KIF27: variants seen among roughly 807,000 people sequenced by gnomAD.
KIF27 encodes the protein kinesin-like protein KIF27.
Under a neutral mutation model 141.8 loss-of-function variants are expected in KIF27, and 84 were observed. The ratio of observed to expected loss-of-function variants is 0.59; its 90% CI spans 0.50 to 0.71. The LOEUF is 0.71. Ranked by LOEUF, KIF27 falls within the 30% of genes least tolerant of loss-of-function variation. KIF27 has a pLI of 0.00. For synonymous variants in KIF27, 471 were observed against 569.5 expected (o/e 0.83, Z 2.46); for missense variants, 1,306 against 1,628.4 (o/e 0.80, Z 3.41).
chr9:83,858,505 A>C (rs960180993), intron 14 of KIF27: 1 of 152,196 alleles, frequency 6.6e-6, no homozygotes, highest in Non-Finnish European at 1.5e-5. Context: ...TAAAGGTACC[A>C]CTGCCAACTG....
chr9:83,920,892 CGGTGGG>C, intron 1 of KIF27, among the ~76,000 whole-genome samples: 1 of 151,274 alleles, frequency 6.6e-6, no homozygotes, highest in Non-Finnish European at 1.5e-5. Flanking sequence ...TCAACCTCTA[CGGTGGG>C]AAATGCGCCC....
chr9:83,889,022 T>C, intron 7 of KIF27, 62 bp downstream of exon 7: 1 of 1,524,480 alleles, frequency 6.6e-7, no homozygotes, highest in Non-Finnish European at 8.8e-7. Context: ...AAACCTACAC[T>C]TCTATATTTA....
chr9:83,878,288 ACAC>A (rs1466613869), intron 11 of KIF27, among the ~76,000 whole-genome samples: 1 of 152,018 alleles, frequency 6.6e-6, no homozygotes, highest in Admixed American at 6.6e-5. Flanking sequence ...TAGAACATTC[ACAC>A]ATTGCTGGTG....
In KIF27 at chr9:83,908,588, G is replaced by T; in HGVS notation, c.363C>A (p.Ile121=). ...PRAIQEIFQS[I]SEHPSIDFNV... is the part of the protein sequence containing the mutation. ...TAAAGTCAATGCTAGGATGTTCAGA[G>T]ATGCTTTGAAATATTTCTTGAATAG... The change falls in exon 3 of 18, where the codon ATC becomes ATA. Residue 121 remains isoleucine (I), a synonymous_variant. Coordinates refer to ENST00000297814, the MANE Select transcript of KIF27 (RefSeq NM_017576.4). 6.2e-7 allele frequency: 1 copy of T among 1,612,076 alleles called. No individual in the cohort carries two copies. The highest frequency in any genetic ancestry group is 2.2e-5 in the East Asian group (1 of 44,806).
chr9:83,869,054 A>C (rs1268959353), intron 12 of KIF27, among the ~76,000 whole-genome samples: 1 of 152,186 alleles, frequency 6.6e-6, no homozygotes, highest in Non-Finnish European at 1.5e-5. Flanking sequence ...GGGGTTTGAA[A>C]GATGAATAAG....
At chr9:83,867,633 G>C in intron 13 of KIF27, 51 bp downstream of exon 13, 1 of 1,521,320 alleles carries the variant, frequency 6.6e-7, no homozygotes, top group Non-Finnish European at 8.8e-7. Context: ...TCCTAGTGGG[G>C]AGTAGGGAGT....
chr9:83,906,164 G>A (rs186221479), intron 3 of KIF27, among the ~76,000 whole-genome samples: 3 of 152,256 alleles, frequency 2.0e-5, no homozygotes, highest in Admixed American at 2.0e-4. Context: ...ACATCAGTAT[G>A]AATTCTATCC....
At chr9:83,884,574 T>C (rs1328048149) in intron 9 of KIF27, among the ~76,000 whole-genome samples, 2 of 152,180 alleles carry the variant, frequency 1.3e-5, no homozygotes, top group Non-Finnish European at 2.9e-5. Flanking sequence ...CCAAATGTCA[T>C]TCATCTCACC....
rs1955600678 is a variant in KIF27 at position 83,915,537 on chromosome 9, C to T, written c.55G>A (p.Glu19Lys). 1 of 1,613,532 alleles carries T rather than the reference C, an allele frequency of 6.2e-7. No homozygotes were observed. Among genetic ancestry groups the T allele is most frequent in the Non-Finnish European group, 8.5e-7 (1 of 1,179,792 alleles). The change falls in exon 2 of 18, where the codon GAA (glutamate) becomes AAA (lysine). Residue 19 changes from glutamate (E) to lysine (K), a missense_variant. This residue lies in a region of KIF27 where 533 missense variants were observed against 565.6 expected (regional missense o/e 0.94). Transcript: ENST00000297814. ...CAAACTTGATGATTATGAAGAGCTT[C>T]TTTGCAAAGCAGAGGTCTAATTCTT... Reference protein sequence around the residue: ...AVRIRPLLCKEALHNHQVCVR... With the variant: ...AVRIRPLLCKKALHNHQVCVR...
intron 4 of KIF27, among the ~76,000 whole-genome samples, chr9:83,901,596 C>G (rs1254647722): frequency 6.6e-6 from 1 of 152,004 alleles, no homozygotes; most frequent in Non-Finnish European, 1.5e-5. Context: ...GTGTGTTGGC[C>G]GGGTGCGGTG....
At chr9:83,902,889 A>G (rs1588258815) in intron 4 of KIF27, among the ~76,000 whole-genome samples, 171 bp downstream of exon 4, 1 of 152,176 alleles carries the variant, frequency 6.6e-6, no homozygotes, top group East Asian at 1.9e-4. Context: ...TTTTAAAAAA[A>G]CCTGAAATTC....
At chr9:83,872,928 CAG>C (rs1588112580) in intron 11 of KIF27, among the ~76,000 whole-genome samples, 1 of 152,160 alleles carries the variant, frequency 6.6e-6, no homozygotes, top group East Asian at 1.9e-4. Flanking sequence ...GCTGAAAAAG[CAG>C]AGAGGTACGA....
At position 83,850,288 on chromosome 9, in the gene KIF27, A is replaced by T; in HGVS notation, c.3367T>A (p.Leu1123Met). 8.7e-6 allele frequency: 14 copies of T among 1,611,794 alleles called. No homozygotes were observed. The highest frequency in any genetic ancestry group is 1.2e-5 in the Non-Finnish European group (14 of 1,177,930). The change falls in exon 16 of 18, where the codon TTG becomes ATG. Residue 1123 changes from leucine (L) to methionine (M), a missense_variant. By Grantham distance (15) the Leu-to-Met change is conservative. Coordinates refer to ENST00000297814, the MANE Select transcript of KIF27 (RefSeq NM_017576.4). ...LFRYFNKVVNLREAERKQQLY... is the reference protein window; with the variant it reads ...LFRYFNKVVNMREAERKQQLY... The stretch of plus-strand genomic sequence containing the variant: ...TGTTGTTTCCGTTCAGCTTCTCGCA[A>T]ATTCACCACCTAACAAATACATATT...
At chr9:83,913,884 T>G (rs1955437946) in intron 2 of KIF27, among the ~76,000 whole-genome samples, 1 of 152,184 alleles carries the variant, frequency 6.6e-6, no homozygotes, top group Admixed American at 6.6e-5. Context: ...GAGCTGTCAC[T>G]TGTTTCATTT....
intron 2 of KIF27, among the ~76,000 whole-genome samples, chr9:83,912,038 GT>G (rs1338388821): frequency 2.6e-5 from 4 of 152,064 alleles, no homozygotes; most frequent in African/African-American, 9.7e-5. Flanking sequence ...AGTTAAAATG[GT>G]AAGTTTGGTG....
At chr9:83,873,314 C>T (rs1446198849) in intron 11 of KIF27, among the ~76,000 whole-genome samples, 2 of 152,198 alleles carry the variant, frequency 1.3e-5, no homozygotes, top group African/African-American at 4.8e-5. Flanking sequence ...ATACACCCAA[C>T]TACAACATAC....
rs556264939 is a variant in KIF27 at position 83,851,636 on chromosome 9, G to A, written c.3358-1339C>T. Reference sequence around the variant, plus strand: ...GTCCCAAAGCACTGGGATTATAGGCGTGAGCCACCACACCCAGCCATGTTA... The same window carrying A: ...GTCCCAAAGCACTGGGATTATAGGCATGAGCCACCACACCCAGCCATGTTA... On this transcript the variant is annotated intron_variant, in intron 15 of 17. Coordinates refer to ENST00000297814, the MANE Select transcript of KIF27 (RefSeq NM_017576.4). Among the ~76,000 whole-genome samples the A allele has an allele frequency of 1.6e-4, 24 of 152,308 alleles. 1 individual carries two copies. In the South Asian group the frequency reaches 1.7e-3, roughly 11 times the overall value.
In KIF27 at chr9:83,876,452, G is replaced by C. The variant is rs577974464; in HGVS notation, c.2643+3845C>G. Among the ~76,000 whole-genome samples the C allele has an allele frequency of 5.3e-5, 8 of 152,278 alleles. 1 individual carries two copies. In the South Asian group the frequency reaches 1.7e-3, roughly 32 times the overall value. On this transcript the variant is annotated intron_variant, in intron 11 of 17. Coordinates refer to ENST00000297814, the MANE Select transcript of KIF27 (RefSeq NM_017576.4). ...AATGGAAAGACTTCCCATGCTCGTG[G>C]ATAAGAAAATTTAATATTGTCAAGA...
Position 83,903,961 on chromosome 9 carries a change from A to G in KIF27, c.557T>C (p.Leu186Ser). Residue 186 changes from leucine (L) to serine (S), a missense_variant, in exon 4 of 18, where the codon TTG becomes TCG. By Grantham distance (145) the Leu-to-Ser change is moderately radical. This residue lies in a region of KIF27 where 533 missense variants were observed against 565.6 expected (regional missense o/e 0.94). Transcript: ENST00000297814. ...VESAGEVMSL[L>S]EMGNAARHTG... ...ATGTCTGGCTGCATTCCCCATCTCC[A>G]AAAGACTCATCACTTCACCTGCACT... 1 of 1,614,100 alleles carries G rather than the reference A, an allele frequency of 6.2e-7. No individual in the cohort carries two copies. Among genetic ancestry groups the G allele is most frequent in the Non-Finnish European group, 8.5e-7 (1 of 1,179,996 alleles).
Sources: gnomAD v4.1 joint callset for allele counts (sites outside exome capture counted in the v4.1 genomes callset) on GRCh38, gnomAD v4.1.1 for gene constraint, gnomAD v4.1.1 regional missense constraint, MANE v1.5 for transcripts, NCBI Gene and HGNC (gene_info 2026-07-23, HGNC 2026-07-21) for gene names.